FBXL2: variants seen among roughly 807,000 people sequenced by gnomAD.
FBXL2 encodes the protein F-box and leucine rich repeat protein 2, also known as F-box/LRR-repeat protein 2.
In FBXL2, 38 loss-of-function variants were observed where a neutral mutation model predicts 69.2. The ratio of observed to expected loss-of-function variants is 0.55; its 90% CI spans 0.42 to 0.72. The LOEUF (loss-of-function observed/expected upper bound fraction) is 0.72. Ranked by LOEUF, FBXL2 falls within the 30% of genes least tolerant of loss-of-function variation. The pLI, the probability that FBXL2 is intolerant of heterozygous loss-of-function variation, is 0.00. For synonymous variants in FBXL2, 192 were observed against 201.3 expected (o/e 0.95, Z 0.39); for missense variants, 354 against 520.3 (o/e 0.68, Z 3.11).
intron 4 of FBXL2, chr3:33,364,245 T>G (rs2041813512): frequency 9.0e-6 from 2 of 223,098 alleles, no homozygotes; most frequent in South Asian, 1.5e-4. Flanking sequence ...GTCTTAGATC[T>G]CTGCTCAGTG....
At position 33,325,969 on chromosome 3, in the gene FBXL2, G is replaced by A. The variant is rs148021739; in HGVS notation, c.65+28244G>A. ...AGAGTCAAAACCAAAGTGAGATTGTGCATACATATCAGGCTAATTCTGCTA... is the reference window on the plus strand; with the variant it reads ...AGAGTCAAAACCAAAGTGAGATTGTACATACATATCAGGCTAATTCTGCTA... On this transcript the variant is annotated intron_variant, in intron 2 of 14. Transcript: ENST00000484457. Among the ~76,000 whole-genome samples, 6 of 152,228 alleles carry A rather than the reference G, an allele frequency of 3.9e-5. 1 individual carries two copies. Among genetic ancestry groups the A allele is most frequent in the African/African-American group, 1.4e-4 (6 of 41,544 alleles).
At chr3:33,395,750 GAAAAAA>G (rs61654235) in intron 12 of FBXL2, among the ~76,000 whole-genome samples, 78 of 69,794 alleles carry the variant, frequency 1.1e-3, no homozygotes, top group South Asian at 2.1e-3. Flanking sequence ...CAGGAAAATT[GAAAAAA>G]AAAAAAAAAA....
chr3:33,315,182 TCTTTC>T (rs974471105), intron 2 of FBXL2, among the ~76,000 whole-genome samples: 2 of 152,006 alleles, frequency 1.3e-5, no homozygotes, highest in African/African-American at 4.8e-5. Flanking sequence ...TGTCTTTCAT[TCTTTC>T]CTTTCTTTTC....
intron 2 of FBXL2, among the ~76,000 whole-genome samples, chr3:33,318,408 C>T (rs549942734): frequency 6.6e-6 from 1 of 152,236 alleles, no homozygotes; most frequent in South Asian, 2.1e-4. Context: ...GTTGAGTACT[C>T]TTTCTTTTAA....
At chr3:33,311,118 T>C (rs541674353) in intron 2 of FBXL2, among the ~76,000 whole-genome samples, 1 of 152,312 alleles carries the variant, frequency 6.6e-6, no homozygotes, top group African/African-American at 2.4e-5. Flanking sequence ...CTCTTGTAGA[T>C]TGTAAGGTTT....
intron 12 of FBXL2, chr3:33,396,298 C>G: frequency 6.4e-7 from 1 of 1,552,430 alleles, no homozygotes; most frequent in South Asian, 1.2e-5. Context: ...CAGAAGATGC[C>G]ACTGATGAGC....
chr3:33,368,503 G>A (rs1215802646), intron 5 of FBXL2, among the ~76,000 whole-genome samples: 1 of 151,878 alleles, frequency 6.6e-6, no homozygotes, highest in Non-Finnish European at 1.5e-5. Context: ...GCTTTCTTTT[G>A]ACTAGTGTTG....
At chr3:33,411,195 G>A in the FBXL2 span, among the ~76,000 whole-genome samples, 13 of 152,210 alleles carry the variant, frequency 8.5e-5, no homozygotes, top group African/African-American at 3.1e-4. Context: ...ATTTGTAGAG[G>A]TTTGAATTTT....
intron 12 of FBXL2, chr3:33,393,426 C>A: frequency 6.2e-7 from 1 of 1,609,278 alleles, no homozygotes; most frequent in Non-Finnish European, 8.5e-7. Flanking sequence ...CTGAGGCAAT[C>A]ATTTCTTCCA....
At chr3:33,356,412 G>GT (rs1293320617) in intron 2 of FBXL2, among the ~76,000 whole-genome samples, 5 of 151,944 alleles carry the variant, frequency 3.3e-5, no homozygotes, top group African/African-American at 1.2e-4. Context: ...GTGCAGTGGC[G>GT]GATCTCGGCT....
intron 12 of FBXL2, chr3:33,400,959 T>A: frequency 1.9e-6 from 3 of 1,593,512 alleles, no homozygotes; most frequent in Middle Eastern, 1.7e-4. Context: ...GAAAGATACT[T>A]ACTTCACCAG....
the FBXL2 span, among the ~76,000 whole-genome samples, chr3:33,416,285 C>G: frequency 6.6e-6 from 1 of 152,122 alleles, no homozygotes; most frequent in Non-Finnish European, 1.5e-5. Flanking sequence ...AGGGATGGTT[C>G]TGAGGATACA....
intron 1 of FBXL2, among the ~76,000 whole-genome samples, chr3:33,295,111 T>G (rs1314171166): frequency 2.0e-5 from 3 of 152,210 alleles, no homozygotes; most frequent in Admixed American, 2.0e-4. Flanking sequence ...AATTGAGATA[T>G]TCATCATATA....
At chr3:33,364,038 ATCATTGT>A (rs971743576) in intron 4 of FBXL2, among the ~76,000 whole-genome samples, 1 of 152,226 alleles carries the variant, frequency 6.6e-6, no homozygotes, top group African/African-American at 2.4e-5. Flanking sequence ...GAGGTGCTTA[ATCATTGT>A]TCATTGTTCA....
chr3:33,327,209 T>C (rs1218811873), intron 2 of FBXL2, among the ~76,000 whole-genome samples: 3 of 152,186 alleles, frequency 2.0e-5, no homozygotes, highest in Non-Finnish European at 4.4e-5. Flanking sequence ...AAAGCTGTTA[T>C]AATCATCTTG....
At chr3:33,364,517 G>C in intron 4 of FBXL2, 108 bp from the exon 5 acceptor site, 1 of 985,760 alleles carries the variant, frequency 1.0e-6, no homozygotes, top group South Asian at 1.4e-5. Context: ...AATATTTTCT[G>C]TTACACTTGG....
chr3:33,417,620 A>G, the FBXL2 span, among the ~76,000 whole-genome samples: 8 of 152,230 alleles, frequency 5.3e-5, no homozygotes, highest in Non-Finnish European at 1.2e-4. Context: ...ATATTCACAC[A>G]TCAATCTAGA....
At chr3:33,340,895 C>CAAAAA (rs67092664) in intron 2 of FBXL2, among the ~76,000 whole-genome samples, 71 of 86,408 alleles carry the variant, frequency 8.2e-4, no homozygotes, top group Non-Finnish European at 9.2e-4. Context: ...TTCCTTTGCC[C>CAAAAA]AAAAAAAAAA....
At chr3:33,364,398 T>C in intron 4 of FBXL2, 1 of 543,018 alleles carries the variant, frequency 1.8e-6, no homozygotes, top group Non-Finnish European at 3.3e-6. Context: ...TTTGTTTTTG[T>C]TTGTTGGTTG....
Sources: gnomAD v4.1 joint callset for allele counts (sites outside exome capture counted in the v4.1 genomes callset) on GRCh38, gnomAD v4.1.1 for gene constraint, MANE v1.5 for transcripts, NCBI Gene and HGNC (gene_info 2026-07-23, HGNC 2026-07-21) for gene names.